The following EML6 variants were observed in gnomAD, a reference collection of about 807,000 sequenced individuals.
EML6 encodes echinoderm microtubule-associated protein-like 6.
In EML6, 154 loss-of-function variants were observed where a neutral mutation model predicts 240.1. The ratio of observed to expected loss-of-function variants is 0.64; its 90% CI spans 0.56 to 0.73. The LOEUF is 0.73. EML6 is among the 30% of genes least tolerant of loss of function. The probability of loss-of-function intolerance (pLI) is 0.00; values close to 1 mark genes in which losing one functional copy is unlikely to be tolerated. For missense variants in EML6, 2,964 were observed against 2,474.6 expected, an observed-to-expected ratio of 1.20 and a Z score of -4.20; for synonymous variants, 1,148 against 899.0, an observed-to-expected ratio of 1.28 and a Z score of -4.95.
At position 54,871,580 on chromosome 2, in the gene EML6, A is replaced by T. The variant is rs940338505; in HGVS notation, c.2319A>T (p.Arg773Ser). Residue 773 changes from arginine to serine, a missense_variant, in exon 16 of 42, where the codon AGA (arginine) becomes AGT (serine). Physicochemically the swap from Arg to Ser is moderately radical, Grantham distance 110 (BLOSUM62 -1). Transcript: ENST00000356458. Reference sequence around the variant, plus strand: ...CGCTGTTGAAAGGACAACATCAGAGAGGAGTGTGTGCACTTGATTTTTCAG... The same window carrying T: ...CGCTGTTGAAAGGACAACATCAGAGTGGAGTGTGTGCACTTGATTTTTCAG... ...CLSLLKGQHQ[R>S]GVCALDFSAD... The T allele has an allele frequency of 1.9e-6, 3 of 1,551,522 alleles. No homozygotes were observed. In the African/African-American group the frequency reaches 4.1e-5, roughly 21 times the overall value.
rs543002945 is a variant in EML6 at position 54,928,766 on chromosome 2, G to T, written c.4004+15G>T. 1.2e-5 allele frequency: 18 copies of T among 1,551,534 alleles called. No homozygotes were observed. Among genetic ancestry groups the T allele is most frequent in the Non-Finnish European group, 1.6e-5 (18 of 1,146,992 alleles). On this transcript the variant is annotated intron_variant, in intron 28 of 41. Transcript: ENST00000356458. Reference sequence around the variant, plus strand: ...GTGGAAGAAAGGTATGGTGTTGCCAGGTTTGCTTGCTTTTATTATACCTGA... The same window carrying T: ...GTGGAAGAAAGGTATGGTGTTGCCATGTTTGCTTGCTTTTATTATACCTGA...
At chr2:54,879,717 T>G (rs534757894) in intron 17 of EML6, 77 bp downstream of exon 17, 2 of 890,646 alleles carry the variant, frequency 2.2e-6, no homozygotes, top group East Asian at 5.3e-5. Flanking sequence ...CATTTTCTGG[T>G]AAGATTTCAT....
At chr2:54,853,500 A>G in intron 10 of EML6, 143 bp from the exon 11 acceptor site, 1 of 561,412 alleles carries the variant, frequency 1.8e-6, no homozygotes, top group South Asian at 3.9e-5. Context: ...GCAAAAAAAG[A>G]AAAAATCGCA....
intron 17 of EML6, among the ~76,000 whole-genome samples, chr2:54,888,144 T>A (rs1161171176): frequency 6.6e-6 from 1 of 152,128 alleles, no homozygotes; most frequent in Non-Finnish European, 1.5e-5. Context: ...TGCTCAAATA[T>A]CTCTCTCGAG....
In EML6 at chr2:54,968,591, T is replaced by C. The variant is rs983427754; in HGVS notation, c.5752-77T>C. On this transcript the variant is annotated intron_variant, in intron 40 of 41. Coordinates refer to ENST00000356458, the MANE Select transcript of EML6 (RefSeq NM_001039753.4). ...AAGGAAGGTTCTGGGAGCAGGGGATTTGAGTGCTGGAAGTAGTCTGTGGTT... is the reference window on the plus strand; with the variant it reads ...AAGGAAGGTTCTGGGAGCAGGGGATCTGAGTGCTGGAAGTAGTCTGTGGTT... 4.7e-6 allele frequency: 4 copies of C among 851,000 alleles called. No individual in the cohort carries two copies. The Admixed American group carries it at 6.1e-5, about 13-fold the overall frequency. 52.7% of individuals were successfully genotyped at this position (851,000 alleles called of 1,614,324 possible).
chr2:54,859,124 A>G (rs948126720), intron 11 of EML6, among the ~76,000 whole-genome samples: 1 of 152,234 alleles, frequency 6.6e-6, no homozygotes, highest in Non-Finnish European at 1.5e-5. Flanking sequence ...TCCAAACTCT[A>G]TGTCTACGTG....
intron 32 of EML6, among the ~76,000 whole-genome samples, chr2:54,955,969 A>G (rs576088042): frequency 3.3e-5 from 5 of 152,194 alleles, no homozygotes; most frequent in East Asian, 3.8e-4. Flanking sequence ...ATGTATCACT[A>G]GAGAGCCTAT....
chr2:54,938,361 A>G (rs1192883907), intron 28 of EML6, among the ~76,000 whole-genome samples: 1 of 152,182 alleles, frequency 6.6e-6, no homozygotes, highest in Admixed American at 6.5e-5. Context: ...AGCTATAGAT[A>G]CAGTTACATA....
intron 2 of EML6, among the ~76,000 whole-genome samples, chr2:54,806,714 A>G (rs1670513219): frequency 6.6e-6 from 1 of 151,498 alleles, no homozygotes; most frequent in Non-Finnish European, 1.5e-5. Flanking sequence ...ATTAATAACA[A>G]TACCACCTAT....
At chr2:54,865,562 A>G (rs1271725012) in intron 13 of EML6, among the ~76,000 whole-genome samples, 2 of 152,346 alleles carry the variant, frequency 1.3e-5, no homozygotes, top group African/African-American at 2.4e-5. Flanking sequence ...GAATTCTCCA[A>G]AATCCAAAAC....
chr2:54,827,613 T>C lies in EML6; in HGVS notation c.573T>C (p.Phe191=), dbSNP rs1229173877. ...GNALTAKRGI[F]GKTGDLQTIL... ...CCCTGACTGCAAAAAGAGGGATATT[T>C]GGCAAAACAGGGGATCTTCAGACCA... Residue 191 remains phenylalanine, a synonymous_variant, in exon 6 of 42, where the codon TTT becomes TTC. Coordinates refer to ENST00000356458, the MANE Select transcript of EML6 (RefSeq NM_001039753.4). The C allele has an allele frequency of 6.4e-7, 1 of 1,551,730 alleles. No homozygotes were observed. The highest frequency in any genetic ancestry group is 8.7e-7 in the Non-Finnish European group (1 of 1,146,994).
chr2:54,919,537 G>A (rs117523509), intron 26 of EML6, among the ~76,000 whole-genome samples: 6 of 152,054 alleles, frequency 3.9e-5, no homozygotes, highest in African/African-American at 7.3e-5. Context: ...TCCCAAAGCC[G>A]CCTGGCAACC....
intron 21 of EML6, among the ~76,000 whole-genome samples, chr2:54,895,803 A>C (rs969650077): frequency 4.6e-5 from 7 of 152,158 alleles, no homozygotes; most frequent in Non-Finnish European, 8.8e-5. Context: ...GCTGTTGGCC[A>C]GAGGCCATTT....
chr2:54,914,398 G>A (rs560699635), intron 25 of EML6, among the ~76,000 whole-genome samples: 22 of 152,220 alleles, frequency 1.4e-4, no homozygotes, highest in African/African-American at 5.1e-4. Context: ...TCCGGTTTTA[G>A]TGCCCCCAAA....
At chr2:54,731,788 G>T (rs1230518677) in intron 2 of EML6, among the ~76,000 whole-genome samples, 1 of 152,114 alleles carries the variant, frequency 6.6e-6, no homozygotes, top group Non-Finnish European at 1.5e-5. Context: ...GTGAAAAACT[G>T]TTCACATGGC....
intron 2 of EML6, among the ~76,000 whole-genome samples, chr2:54,727,927 G>A (rs930959888): frequency 2.0e-5 from 3 of 152,146 alleles, no homozygotes; most frequent in African/African-American, 7.2e-5. Flanking sequence ...AATAATGTAG[G>A]TTTTGGCAGA....
At chr2:54,905,867 C>A (rs1558671163) in intron 24 of EML6, among the ~76,000 whole-genome samples, 1 of 152,158 alleles carries the variant, frequency 6.6e-6, no homozygotes, top group East Asian at 1.9e-4. Flanking sequence ...TCAGAATTTC[C>A]TTACTTTAAA....
intron 34 of EML6, among the ~76,000 whole-genome samples, chr2:54,959,593 C>G (rs1412182258): frequency 2.0e-5 from 3 of 152,008 alleles, no homozygotes; most frequent in African/African-American, 7.3e-5. Flanking sequence ...GAAACCCTGA[C>G]TCTACTGAAA....
chr2:54,859,917 A>T (rs1670586458), intron 12 of EML6, among the ~76,000 whole-genome samples: 1 of 152,184 alleles, frequency 6.6e-6, no homozygotes, highest in Non-Finnish European at 1.5e-5. Context: ...ATGCAAGTTG[A>T]GCAGGACGTC....
Sources: allele counts gnomAD v4.1 joint callset (sites outside exome capture counted in the v4.1 genomes callset), GRCh38; gene constraint gnomAD v4.1.1; transcripts MANE v1.5; gene names NCBI Gene and HGNC (gene_info 2026-07-23, HGNC 2026-07-21).